Variants in MAP2K6 observed in about 807,000 individuals in gnomAD.
MAP2K6 encodes mitogen-activated protein kinase kinase 6.
A neutral mutation model predicts 53.7 loss-of-function variants in MAP2K6; 16 were observed. The observed-to-expected ratio is 0.30, with a 90% CI of 0.20 to 0.45. The LOEUF (loss-of-function observed/expected upper bound fraction) is 0.45, where lower values mean the gene tolerates loss of function less well. Ranked by LOEUF, MAP2K6 falls within the 20% of genes least tolerant of loss-of-function variation. The pLI is 1.00. For missense variants in MAP2K6, 204 were observed against 411.9 expected, an observed-to-expected ratio of 0.50 and a Z score of 4.37; for synonymous variants, 132 against 143.1, an observed-to-expected ratio of 0.92 and a Z score of 0.55.
At chr17:69,485,949 A>C (rs1567835673) in intron 1 of MAP2K6, among the ~76,000 whole-genome samples, 1 of 152,054 alleles carries the variant, frequency 6.6e-6, no homozygotes, top group Admixed American at 6.6e-5. Flanking sequence ...TTCTCAATAG[A>C]CTACAATCTT....
intron 1 of MAP2K6, among the ~76,000 whole-genome samples, chr17:69,493,472 C>T (rs1908830778): frequency 6.6e-6 from 1 of 152,092 alleles, no homozygotes; most frequent in African/African-American, 2.4e-5. Context: ...AAAAAATACT[C>T]AGCTGCAGCT....
At chr17:69,441,665 CTT>C (rs749069578) in intron 1 of MAP2K6, among the ~76,000 whole-genome samples, 48 of 152,138 alleles carry the variant, frequency 3.2e-4, no homozygotes, top group African/African-American at 1.2e-3. Flanking sequence ...TGACAAGTGA[CTT>C]TTGATTGAAA....
At position 69,540,995 on chromosome 17, in the gene MAP2K6, G is replaced by A. The variant is rs1911590779; in HGVS notation, c.928-681G>A. Among the ~76,000 whole-genome samples the A allele has an allele frequency of 1.3e-5, 2 of 152,198 alleles. 1 individual carries two copies. The highest frequency in any genetic ancestry group is 4.1e-4 in the South Asian group (2 of 4,832). ...GTGCATACTGCTGGCCGGGCATGGT[G>A]GCACACGCCTGCAATCCCAGCACTT... On this transcript the variant is annotated intron_variant, in intron 11 of 11. Transcript: ENST00000590474.
In MAP2K6 at chr17:69,524,903, T is replaced by A. The variant is rs1329481351; in HGVS notation, c.666T>A (p.Pro222=). The A allele has an allele frequency of 6.2e-7, 1 of 1,610,090 alleles. No homozygotes were observed. Among genetic ancestry groups the A allele is most frequent in the African/African-American group, 1.3e-5 (1 of 74,812 alleles). Residue 222 remains proline, a splice_region_variant and synonymous_variant, in exon 9 of 12, where the codon CCT becomes CCA. Transcript: ENST00000590474. ...IDAGCKPYMA[P]ERINPELNQK... is the part of the protein sequence containing the mutation. ...TCAGTTGTCTGTCTTCTTTCCAGCCTGAAAGAATAAACCCAGAGCTCAACC... is the reference window on the plus strand; with the variant it reads ...TCAGTTGTCTGTCTTCTTTCCAGCCAGAAAGAATAAACCCAGAGCTCAACC...
At chr17:69,428,694 G>A (rs1391580932) in intron 1 of MAP2K6, among the ~76,000 whole-genome samples, 1 of 152,110 alleles carries the variant, frequency 6.6e-6, no homozygotes, top group Non-Finnish European at 1.5e-5. Context: ...GAAGGTGGGT[G>A]CATAACTCAG....
At chr17:69,523,842 TGCTATG>T (rs1170100494) in intron 8 of MAP2K6, among the ~76,000 whole-genome samples, 2 of 152,216 alleles carry the variant, frequency 1.3e-5, no homozygotes, top group African/African-American at 4.8e-5. Flanking sequence ...TTGTTCAGGC[TGCTATG>T]GCAAAGTAAT....
Position 69,519,207 on chromosome 17 carries a change from G to A in MAP2K6, c.247-106G>A, listed in dbSNP as rs535192013. On this transcript the variant is annotated intron_variant, in intron 4 of 11. Coordinates refer to ENST00000590474, the MANE Select transcript of MAP2K6 (RefSeq NM_002758.4). ...TTGGGTGGCTATTCACAATGTCATC[G>A]CCAGAACTTGTGTCATGAACTATTT... 38 of 1,311,826 alleles carry A rather than the reference G, an allele frequency of 2.9e-5. No homozygotes were observed. The South Asian group carries it at 3.0e-4, about 10-fold the overall frequency. The allele number at this position is 1,311,826 out of a possible 1,614,324, so 81.3% of individuals were successfully genotyped here. A position where few individuals can be genotyped will look rare whatever the true frequency, so the allele number is the denominator to read the frequency against.
intron 1 of MAP2K6, among the ~76,000 whole-genome samples, chr17:69,465,688 C>T (rs1017775875): frequency 1.3e-5 from 2 of 150,438 alleles, no homozygotes; most frequent in African/African-American, 4.9e-5. Flanking sequence ...GGTGCAATCT[C>T]GGCTCACTGC....
chr17:69,462,511 C>T (rs118126226), intron 1 of MAP2K6, among the ~76,000 whole-genome samples: 1,728 of 152,212 alleles, frequency 0.011, 10 homozygotes, highest in South Asian at 0.024. Context: ...CCATTTCCAC[C>T]CCATTTGAGT....
At chr17:69,520,927 C>A in intron 6 of MAP2K6, 122 bp from the exon 7 acceptor site, 1 of 696,436 alleles carries the variant, frequency 1.4e-6, no homozygotes, top group South Asian at 2.0e-5. Flanking sequence ...ATAGGACCAC[C>A]ACTATTTGAG....
intron 1 of MAP2K6, chr17:69,502,583 T>A: frequency 1.0e-6 from 1 of 985,420 alleles, no homozygotes; most frequent in African/African-American, 1.7e-5. Flanking sequence ...CTTGGAAATA[T>A]TAGGTTTAAG....
At chr17:69,438,005 C>A (rs1177025640) in intron 1 of MAP2K6, among the ~76,000 whole-genome samples, 1 of 152,226 alleles carries the variant, frequency 6.6e-6, no homozygotes, top group African/African-American at 2.4e-5. Context: ...ATCTGGAGAG[C>A]CGCTGAAAAA....
chr17:69,473,621 A>G (rs973854451), intron 1 of MAP2K6, among the ~76,000 whole-genome samples: 1 of 152,212 alleles, frequency 6.6e-6, no homozygotes, highest in East Asian at 1.9e-4. Flanking sequence ...CATCAGTGGT[A>G]AAATTACTTT....
intron 1 of MAP2K6, among the ~76,000 whole-genome samples, chr17:69,415,241 C>CT (rs11452280): frequency 0.077 from 11,699 of 152,182 alleles, 949 homozygotes; most frequent in East Asian, 0.41. Context: ...TTACTGAGCT[C>CT]TTTTTGCCTT....
In MAP2K6 at chr17:69,550,256, G is replaced by A. The variant is rs905413923; in HGVS notation, c.*8503G>A. ...AATTTGATGGTTGAGAAAAAGGAAC[G>A]ATATGCCTAAAGCATTTTGAGAATA... is the stretch of plus-strand genomic sequence containing the variant. On this transcript the variant is annotated 3_prime_UTR_variant, in exon 12 of 12. Transcript: ENST00000590474. 10 of 152,160 alleles carry A rather than the reference G, an allele frequency of 6.6e-5. No individual in the cohort carries two copies. The highest frequency in any genetic ancestry group is 2.2e-4 in the African/African-American group (9 of 41,438). 9.4% of individuals were successfully genotyped at this position (152,160 alleles called of 1,614,324 possible).
intron 1 of MAP2K6, among the ~76,000 whole-genome samples, chr17:69,462,927 A>C (rs4968859): frequency 0.46 from 68,567 of 149,338 alleles, 16,007 homozygotes; most frequent in African/African-American, 0.55. Context: ...ACCCCATGTG[A>C]AAGAGGCCCA....
chr17:69,521,367 C>T, intron 7 of MAP2K6: 1 of 358,768 alleles, frequency 2.8e-6, no homozygotes, highest in Non-Finnish European at 5.0e-6. Flanking sequence ...GAGATCATAT[C>T]ATTGAGAATT....
Position 69,547,036 on chromosome 17 carries a change from C to T in MAP2K6, c.*5283C>T, listed in dbSNP as rs1270724880. The T allele has an allele frequency of 1.3e-5, 2 of 151,270 alleles. No individual in the cohort carries two copies. The highest frequency in any genetic ancestry group is 1.5e-5 in the Non-Finnish European group (1 of 67,860). The allele number at this position is 151,270 out of a possible 1,614,324, so 9.4% of individuals were successfully genotyped here. A position where few individuals can be genotyped will look rare whatever the true frequency, so the allele number is the denominator to read the frequency against. On this transcript the variant is annotated 3_prime_UTR_variant, in exon 12 of 12. Coordinates refer to ENST00000590474, the MANE Select transcript of MAP2K6 (RefSeq NM_002758.4). ...TCCTCTTGTGTTTGAGTGCCTCTAGCACTGTTAAATGTGCTGACAGCTAAA... is the reference window on the plus strand; with the variant it reads ...TCCTCTTGTGTTTGAGTGCCTCTAGTACTGTTAAATGTGCTGACAGCTAAA...
At chr17:69,449,591 T>TTCTTTCTTTCTC (rs1266574890) in intron 1 of MAP2K6, among the ~76,000 whole-genome samples, 1 of 131,338 alleles carries the variant, frequency 7.6e-6, no homozygotes, top group Non-Finnish European at 1.7e-5. Context: ...CTTTCTTTCT[T>TTCTTTCTTTCTC]TTTCTTTCTT....
Sources: gnomAD v4.1 joint callset for allele counts (sites outside exome capture counted in the v4.1 genomes callset) on GRCh38, gnomAD v4.1.1 for gene constraint, MANE v1.5 for transcripts, NCBI Gene and HGNC (gene_info 2026-07-23, HGNC 2026-07-21) for gene names.